ROBO2: variants seen among roughly 807,000 people sequenced by gnomAD.
ROBO2 encodes the protein roundabout guidance receptor 2.
A neutral mutation model predicts 160.8 loss-of-function variants in ROBO2; 53 were observed. The ratio of observed to expected loss-of-function variants is 0.33; its 90% CI spans 0.26 to 0.41. The LOEUF (loss-of-function observed/expected upper bound fraction) is 0.41, where lower values mean the gene tolerates loss of function less well. Among genes scored for constraint, ROBO2 ranks in the 10% least tolerant of loss-of-function variants. The pLI is 1.00. For missense variants in ROBO2, 1,577 were observed against 1,722.4 expected (o/e 0.92, Z 1.49); for synonymous variants, 664 against 611.7 (o/e 1.09, Z -1.26).
chr3:77,495,159 G>T (rs185017504), intron 5 of ROBO2, among the ~76,000 whole-genome samples: 87 of 152,240 alleles, frequency 5.7e-4, no homozygotes, highest in Middle Eastern at 3.4e-3. Flanking sequence ...TTAATGTAAG[G>T]TGAAGAGATT....
intron 8 of ROBO2, 70 bp downstream of exon 9, chr3:77,551,059 T>A: frequency 6.6e-7 from 1 of 1,509,164 alleles, no homozygotes. Context: ...GTTAACCATG[T>A]GGAGTTTGCT....
chr3:77,218,528 A>G (rs569774130), intron 2 of ROBO2, among the ~76,000 whole-genome samples: 9 of 152,004 alleles, frequency 5.9e-5, no homozygotes, highest in Non-Finnish European at 1.0e-4. Context: ...ACCCACAAGC[A>G]TGCCTGGCTA....
chr3:76,062,412 G>A (rs1384115572), intron 2 of ROBO2, among the ~76,000 whole-genome samples: 3 of 151,962 alleles, frequency 2.0e-5, no homozygotes, highest in East Asian at 1.9e-4. Flanking sequence ...ACAATTACAG[G>A]TGTAAGAGTC....
At chr3:76,632,577 A>C (rs2109482353) in intron 2 of ROBO2, among the ~76,000 whole-genome samples, 1 of 152,352 alleles carries the variant, frequency 6.6e-6, no homozygotes, top group South Asian at 2.1e-4. Flanking sequence ...GAAAAGTAGA[A>C]GCTGGAAATG....
At chr3:77,390,602 A>C (rs1460646113) in intron 2 of ROBO2, among the ~76,000 whole-genome samples, 2 of 152,154 alleles carry the variant, frequency 1.3e-5, no homozygotes, top group African/African-American at 2.4e-5. Context: ...GAGTCCATTA[A>C]ACCTCTTTCC....
At chr3:76,822,930 C>T (rs539730868) in intron 2 of ROBO2, among the ~76,000 whole-genome samples, 1 of 151,964 alleles carries the variant, frequency 6.6e-6, no homozygotes, top group African/African-American at 2.4e-5. Context: ...ACAGGAAAAA[C>T]AAGGTATTTT....
chr3:77,052,155 G>A (rs995250342), intron 1 of ROBO2, among the ~76,000 whole-genome samples: 1 of 152,180 alleles, frequency 6.6e-6, no homozygotes, highest in Non-Finnish European at 1.5e-5. Context: ...TAAAACTAAA[G>A]AGTGTATTTA....
chr3:77,463,176 T>C (rs1250475670), intron 2 of ROBO2, among the ~76,000 whole-genome samples: 1 of 152,228 alleles, frequency 6.6e-6, no homozygotes, highest in East Asian at 1.9e-4. Flanking sequence ...AAAAAGTGGG[T>C]GATTGAGAAA....
chr3:77,249,056 T>G (rs1427351866), intron 2 of ROBO2, among the ~76,000 whole-genome samples: 1 of 152,088 alleles, frequency 6.6e-6, no homozygotes, highest in African/African-American at 2.4e-5. Context: ...TTCTCCATGT[T>G]GGCCAGGCTG....
At chr3:76,355,024 T>TTATGTG (rs59312253) in intron 2 of ROBO2, among the ~76,000 whole-genome samples, 9,294 of 151,036 alleles carry the variant, frequency 0.062, 806 homozygotes, top group African/African-American at 0.19. Flanking sequence ...ATGTGTATGT[T>TTATGTG]TATGTGTATG....
intron 2 of ROBO2, chr3:76,311,051 G>A (rs1337970638): frequency 1.3e-5 from 2 of 152,204 alleles, no homozygotes; most frequent in African/African-American, 4.8e-5. Flanking sequence ...AAAGCAAAGT[G>A]GAGAACAGAA....
chr3:76,108,608 C>T (rs1248509333), intron 2 of ROBO2, among the ~76,000 whole-genome samples: 1 of 151,582 alleles, frequency 6.6e-6, no homozygotes, highest in Non-Finnish European at 1.5e-5. Context: ...CTTAAAGTAG[C>T]CCAAATTTTC....
intron 2 of ROBO2, among the ~76,000 whole-genome samples, chr3:76,873,834 T>G (rs1670389887): frequency 6.6e-6 from 1 of 151,908 alleles, no homozygotes; most frequent in South Asian, 2.1e-4. Context: ...AAAGAGGTTC[T>G]CTTTGCATTC....
At chr3:77,595,160 A>T in exon 18 of ROBO2, 1 of 1,611,766 alleles carries the variant, frequency 6.2e-7, no homozygotes, top group Non-Finnish European at 8.5e-7. Context: ...CAAAGAGGAG[A>T]TGGAGGACTA....
At chr3:76,282,700 C>G (rs1322461687) in intron 2 of ROBO2, among the ~76,000 whole-genome samples, 1 of 151,886 alleles carries the variant, frequency 6.6e-6, no homozygotes, top group Non-Finnish European at 1.5e-5. Flanking sequence ...GTGGGTCTGC[C>G]TCAATGAGTG....
intron 2 of ROBO2, among the ~76,000 whole-genome samples, chr3:77,375,087 CTG>C (rs1447578060): frequency 6.6e-6 from 1 of 152,170 alleles, no homozygotes; most frequent in Non-Finnish European, 1.5e-5. Flanking sequence ...TTGCAACTGC[CTG>C]TAGCCCTAGC....
chr3:77,530,711 A>C (rs2091642006), intron 6 of ROBO2, among the ~76,000 whole-genome samples: 1 of 152,020 alleles, frequency 6.6e-6, no homozygotes. Context: ...CTATCACTTT[A>C]ATAATTAAAA....
chr3:76,163,300 T>C (rs1359758951), intron 2 of ROBO2, among the ~76,000 whole-genome samples: 1 of 151,828 alleles, frequency 6.6e-6, no homozygotes, highest in Admixed American at 6.6e-5. Context: ...AAAGATTATA[T>C]TTGTTAGGTT....
At chr3:75,932,242 T>A (rs549305505) in intron 1 of ROBO2, among the ~76,000 whole-genome samples, 1 of 152,288 alleles carries the variant, frequency 6.6e-6, no homozygotes, top group African/African-American at 2.4e-5. Context: ...AGATTACTAC[T>A]AAATCTGAGG....
Sources: allele counts gnomAD v4.1 joint callset (sites outside exome capture counted in the v4.1 genomes callset), GRCh38; gene constraint gnomAD v4.1.1; transcripts MANE v1.5; gene names NCBI Gene and HGNC (gene_info 2026-07-23, HGNC 2026-07-21).